Variants in MDN1 observed in about 807,000 individuals in gnomAD.
MDN1 encodes the protein midasin.
Under a neutral mutation model 669.2 loss-of-function variants are expected in MDN1, and 266 were observed. The observed-to-expected ratio is 0.40, with a 90% confidence interval of 0.36 to 0.44. The LOEUF is 0.44. Ranked by LOEUF, MDN1 falls within the 20% of genes least tolerant of loss-of-function variation. The probability of loss-of-function intolerance (pLI) is 1.00; values close to 1 mark genes in which losing one functional copy is unlikely to be tolerated. For missense variants in MDN1, 5,940 were observed against 6,754.0 expected (o/e 0.88, Z 4.22); for synonymous variants, 2,385 against 2,457.1 (o/e 0.97, Z 0.87).
intron 72 of MDN1, 39 bp downstream of exon 72, chr6:89,683,792 T>C: frequency 6.6e-7 from 1 of 1,506,900 alleles, no homozygotes; most frequent in Non-Finnish European, 9.2e-7. Context: ...CAAAATTCTA[T>C]TCTATTTTGG....
At chr6:89,716,833 A>G (rs543399703) in intron 43 of MDN1, 24 bp from the exon 44 acceptor site, 40 of 1,584,970 alleles carry the variant, frequency 2.5e-5, no homozygotes, top group Non-Finnish European at 3.3e-5. Context: ...GGGAAGAATC[A>G]CCATCCACAG....
intron 2 of MDN1, among the ~76,000 whole-genome samples, chr6:89,799,182 T>G (rs1043094930): frequency 6.6e-6 from 1 of 152,196 alleles, no homozygotes; most frequent in African/African-American, 2.4e-5. Flanking sequence ...GGACCATGTC[T>G]TTGAAAAGAA....
chr6:89,664,418 A>G (rs1223384321), intron 85 of MDN1, 69 bp downstream of exon 85: 2 of 1,572,490 alleles, frequency 1.3e-6, no homozygotes, highest in African/African-American at 2.7e-5. Context: ...CTTATTAGGA[A>G]CATGTAATTT....
In MDN1 at chr6:89,750,427, G is replaced by A. The variant is rs773963001; in HGVS notation, c.3333C>T (p.His1111=). The A allele has an allele frequency of 3.4e-5, 55 of 1,613,914 alleles. No individual in the cohort carries two copies. The highest frequency in any genetic ancestry group is 1.7e-4 in the African/African-American group (13 of 74,906). The part of the protein sequence containing the change: ...TGNHCVRINN[H]EHTDIQEYIG... The stretch of plus-strand genomic sequence containing the variant: ...TGTACTCCTGAATATCCGTGTGTTC[G>A]TGATTATTAATACGCACACAGTGGT... The change falls in exon 24 of 102, where the codon CAC becomes CAT. Residue 1111 remains histidine (H), a synonymous_variant. Coordinates refer to ENST00000369393, the MANE Select transcript of MDN1 (RefSeq NM_014611.3).
chr6:89,819,549 T>C lies in MDN1; in HGVS notation c.59A>G (p.Asn20Ser). The C allele has an allele frequency of 4.4e-6, 7 of 1,605,098 alleles. No homozygotes were observed. The highest frequency in any genetic ancestry group is 5.9e-6 in the Non-Finnish European group (7 of 1,179,966). ...AAPLRLIAAK[N>S]EKSRSELGRF... ...GCCCAACTCACTGCGGCTCTTCTCG[T>C]TCTTGGCTGCGATTAACCGCAGCGG... is the stretch of plus-strand genomic sequence containing the variant. Residue 20 changes from asparagine (N) to serine (S), a missense_variant, in exon 1 of 102, where the codon AAC (asparagine) becomes AGC (serine). By Grantham distance (46) the Asn-to-Ser change is conservative. Around this residue, in one of 5 missense-constraint regions of MDN1, gnomAD observed 1,203 missense variants for 1,268.9 expected, o/e 0.95. Transcript: ENST00000369393.
intron 33 of MDN1, among the ~76,000 whole-genome samples, chr6:89,735,237 G>A (rs941674208): frequency 2.0e-5 from 3 of 151,666 alleles, no homozygotes; most frequent in South Asian, 2.1e-4. Context: ...ATTGACTAAT[G>A]TACCAATACT....
Position 89,745,304 on chromosome 6 carries a change from C to G in MDN1, c.4147G>C (p.Gly1383Arg). Reference protein sequence around the residue: ...AMLVGRALEFGEPVLLVGDTG... With the variant: ...AMLVGRALEFREPVLLVGDTG... ...TCTCCAACCAGCAGCACAGGTTCACCAAATTCCAATGCCCTTCCCACTAGC... is the reference window on the plus strand; with the variant it reads ...TCTCCAACCAGCAGCACAGGTTCACGAAATTCCAATGCCCTTCCCACTAGC... The change falls in exon 29 of 102, where the codon GGT (glycine) becomes CGT (arginine). Residue 1383 changes from glycine to arginine, a missense_variant. Coordinates refer to ENST00000369393, the MANE Select transcript of MDN1 (RefSeq NM_014611.3). 6.2e-7 allele frequency: 1 copy of G among 1,613,938 alleles called. No homozygotes were observed. Among genetic ancestry groups the G allele is most frequent in the Non-Finnish European group, 8.5e-7 (1 of 1,179,870 alleles).
chr6:89,702,773 A>AT (rs769308604), intron 53 of MDN1, among the ~76,000 whole-genome samples: 41 of 152,038 alleles, frequency 2.7e-4, no homozygotes, highest in Middle Eastern at 6.8e-3. Flanking sequence ...CAATTTATCA[A>AT]TTTTTTTTCA....
At chr6:89,772,163 C>T (rs544389417) in intron 14 of MDN1, among the ~76,000 whole-genome samples, 1 of 152,038 alleles carries the variant, frequency 6.6e-6, no homozygotes, top group Admixed American at 6.6e-5. Context: ...TATCTTCCTA[C>T]CTCAGATCTG....
chr6:89,700,278 A>C lies in MDN1; in HGVS notation c.8655T>G (p.Phe2885Leu), dbSNP rs1209107261. The change falls in exon 57 of 102, where the codon TTT (phenylalanine) becomes TTG (leucine). Residue 2885 changes from phenylalanine to leucine, a missense_variant. Phe to Leu is a conservative substitution (Grantham distance 22). This residue lies in a region of MDN1 where 2,292 missense variants were observed against 2,638.3 expected (regional missense o/e 0.87). Coordinates refer to ENST00000369393, the MANE Select transcript of MDN1 (RefSeq NM_014611.3). ...EDVSLDELKNFVHAQCLELKA... is the reference protein window; with the variant it reads ...EDVSLDELKNLVHAQCLELKA... ...TCAGTTCTAAACACTGAGCATGCAC[A>C]AAATTCTTCAATTCATCTGGACAAA... 1 of 1,614,090 alleles carries C rather than the reference A, an allele frequency of 6.2e-7. No individual in the cohort carries two copies. Among genetic ancestry groups the C allele is most frequent in the East Asian group, 2.2e-5 (1 of 44,888 alleles).
In MDN1 at chr6:89,695,776, G is replaced by A. The variant is rs1812696578; in HGVS notation, c.9600C>T (p.Ser3200=). ...CCCCTTCACCAACAAAGTGGTGCAG[G>A]GAGGTGAGCAACTGGCAGAGCAGTT... The part of the protein sequence containing the change: ...PKELLCQLLT[S]LHHFVGEGES... The change falls in exon 61 of 102, where the codon TCC becomes TCT. Residue 3200 remains serine, a synonymous_variant. Coordinates refer to ENST00000369393, the MANE Select transcript of MDN1 (RefSeq NM_014611.3). The surrounding 1 kb of genome is among the most constrained non-coding windows in gnomAD (Gnocchi z 4.1). The A allele has an allele frequency of 6.2e-7, 1 of 1,613,692 alleles. No homozygotes were observed. The highest frequency in any genetic ancestry group is 8.5e-7 in the Non-Finnish European group (1 of 1,179,950).
chr6:89,658,875 C>T lies in MDN1; in HGVS notation c.14756G>A (p.Gly4919Asp), dbSNP rs149587926. The change falls in exon 89 of 102, where the codon GGT becomes GAT. Residue 4919 changes from glycine (G) to aspartate (D), a missense_variant. Around this residue, in one of 5 missense-constraint regions of MDN1, gnomAD observed 2,280 missense variants for 2,576.3 expected, o/e 0.88. Coordinates refer to ENST00000369393, the MANE Select transcript of MDN1 (RefSeq NM_014611.3). Reference protein sequence around the residue: ...LEIKEKPEEAGHEAEERGETE... With the variant: ...LEIKEKPEEADHEAEERGETE... ...CTCTCCTCTTTCCTCAGCTTCATGA[C>T]CTGCTTCTTCTGGTTTTTCTTTTAT... The T allele has an allele frequency of 5.8e-5, 94 of 1,613,208 alleles. No homozygotes were observed. In the African/African-American group the frequency reaches 1.2e-3, roughly 20 times the overall value.
chr6:89,717,528 G>A (rs1814460903), intron 43 of MDN1, among the ~76,000 whole-genome samples: 1 of 152,114 alleles, frequency 6.6e-6, no homozygotes, highest in South Asian at 2.1e-4. Flanking sequence ...CATATATTCA[G>A]TATAGTGTTT....
intron 54 of MDN1, 41 bp from the exon 55 acceptor site, chr6:89,701,719 G>C (rs773733405): frequency 6.3e-7 from 1 of 1,598,674 alleles, no homozygotes; most frequent in Non-Finnish European, 8.5e-7. Context: ...TAAGGAAAGG[G>C]GGAAATGCTA....
At chr6:89,712,304 T>A (rs780896668) in intron 48 of MDN1, 48 bp from the exon 49 acceptor site, 1 of 1,481,218 alleles carries the variant, frequency 6.8e-7, no homozygotes, top group Non-Finnish European at 9.3e-7. Context: ...TAACCTTTTA[T>A]TTCACATTCC....
chr6:89,697,512 A>G (rs1380308954), intron 59 of MDN1, among the ~76,000 whole-genome samples: 1 of 152,168 alleles, frequency 6.6e-6, no homozygotes, highest in Non-Finnish European at 1.5e-5. Flanking sequence ...CTTCCAACTC[A>G]TATTGGGCAA....
chr6:89,702,574 G>A (rs748690817), intron 53 of MDN1, among the ~76,000 whole-genome samples: 1 of 152,112 alleles, frequency 6.6e-6, no homozygotes, highest in Non-Finnish European at 1.5e-5. Flanking sequence ...AGTTCTTACT[G>A]GGCATTCATA....
chr6:89,793,397 C>T (rs1270002526), intron 5 of MDN1, among the ~76,000 whole-genome samples: 1 of 152,124 alleles, frequency 6.6e-6, no homozygotes, highest in Non-Finnish European at 1.5e-5. Context: ...CACACAGGAA[C>T]CATTAGTTTC....
At chr6:89,712,905 A>C (rs1045752902) in intron 47 of MDN1, 119 bp from the exon 48 acceptor site, 16 of 921,952 alleles carry the variant, frequency 1.7e-5, no homozygotes, top group East Asian at 2.6e-5. Flanking sequence ...TACACTCTTC[A>C]ATGAAAAACA....
Sources: allele counts gnomAD v4.1 joint callset (sites outside exome capture counted in the v4.1 genomes callset), GRCh38; gene constraint gnomAD v4.1.1; regional missense constraint gnomAD v4.1.1; non-coding constraint Gnocchi (gnomAD v3.1); transcripts MANE v1.5; gene names NCBI Gene and HGNC (gene_info 2026-07-23, HGNC 2026-07-21).